The following CXorf58 variants were observed in gnomAD, a reference collection of about 807,000 sequenced individuals.
The protein encoded by CXorf58 is chromosome X open reading frame 58.
A neutral mutation model predicts 26.0 loss-of-function variants in CXorf58; 24 were observed. The ratio of observed to expected loss-of-function variants is 0.92; its 90% confidence interval spans 0.67 to 1.30. The LOEUF is 1.30. CXorf58 is among the 50% of genes most tolerant of loss of function. The pLI is 0.00. For synonymous variants in CXorf58, 87 were observed against 86.1 expected (o/e 1.01, Z -0.06); for missense variants, 236 against 263.9 (o/e 0.89, Z 0.73).
Position 23,935,275 on chromosome X carries a change from T to G in CXorf58, c.635T>G (p.Ile212Ser), listed in dbSNP as rs946448605. ...NSWRKLNLEN[I>S]PRTMLMYDIV... ...TGGCGCAAATTAAATCTTGAAAATA[T>G]TCCCAGGACAATGCTAATGTATGAC... is the stretch of plus-strand genomic sequence containing the variant. Residue 212 changes from isoleucine (I) to serine (S), a missense_variant, in exon 7 of 9, where the codon ATT (isoleucine) becomes AGT (serine). Ile to Ser is a moderately radical substitution (Grantham distance 142, BLOSUM62 -2). Coordinates refer to ENST00000379211, the MANE Select transcript of CXorf58 (RefSeq NM_152761.3). 2.5e-6 allele frequency: 3 copies of G among 1,210,210 alleles called. No individual in the cohort carries two copies. The highest frequency in any genetic ancestry group is 3.5e-5 in the African/African-American group (2 of 57,844).
rs1269993235 is a variant in CXorf58, at chrX:23,935,306, T to C, written c.666T>C (p.Val222=). The C allele has an allele frequency of 6.6e-6, 8 of 1,207,631 alleles. No individual in the cohort carries two copies. The highest frequency in any genetic ancestry group is 9.0e-6 in the Non-Finnish European group (8 of 891,709). ...IPRTMLMYDI[V]HYSESGVISN... is the part of the protein sequence containing the mutation. The stretch of plus-strand genomic sequence containing the variant: ...GGACAATGCTAATGTATGACATAGT[T>C]CATTATTCAGAGTCTGGAGTGATCT... The change falls in exon 7 of 9, where the codon GTT becomes GTC. Residue 222 remains valine (V), a synonymous_variant. Transcript: ENST00000379211.
Position 23,915,779 on chromosome X carries a change from G to A in CXorf58, c.296G>A (p.Cys99Tyr), listed in dbSNP as rs1259211374. The A allele has an allele frequency of 4.4e-6, 5 of 1,145,508 alleles. No homozygotes were observed. Among genetic ancestry groups the A allele is most frequent in the African/African-American group, 1.8e-5 (1 of 56,012 alleles). The allele number at this position is 1,145,508 out of a possible 1,213,427, so 94.4% of individuals were successfully genotyped here. A position where few individuals can be genotyped will look rare whatever the true frequency, so the allele number is the denominator to read the frequency against. The part of the protein sequence containing the change: ...AKLIKDPTMQ[C>Y]KIRFRFRGET... ...CTTATTAAGGATCCTACTATGCAGT[G>A]TAAAATTAGATTCAGGTAATGTATC... is the stretch of plus-strand genomic sequence containing the variant. The change falls in exon 4 of 9, where the codon TGT (cysteine) becomes TAT (tyrosine). Residue 99 changes from cysteine to tyrosine, a missense_variant. Physicochemically the swap from Cys to Tyr is radical, Grantham distance 194. Transcript: ENST00000379211.
intron 3 of CXorf58, 150 bp from the exon 4 acceptor site, chrX:23,915,550 A>G: frequency 7.2e-6 from 3 of 415,651 alleles, no homozygotes; most frequent in Non-Finnish European, 1.3e-5. Context: ...CTACACAGAT[A>G]GTAAGTGGAG....
chrX:23,934,495 G>A (rs911922704), intron 6 of CXorf58, among the ~76,000 whole-genome samples: 1 of 111,324 alleles, frequency 9.0e-6, no homozygotes, highest in Non-Finnish European at 1.9e-5. Flanking sequence ...CTGCCTCTTG[G>A]GCTCAGGTGA....
At position 23,915,742 on chromosome X, in the gene CXorf58, T is replaced by C. The variant is rs745615974; in HGVS notation, c.259T>C (p.Leu87=). The change falls in exon 4 of 9, where the codon TTA becomes CTA. Residue 87 remains leucine (L), a synonymous_variant. Coordinates refer to ENST00000379211, the MANE Select transcript of CXorf58 (RefSeq NM_152761.3). ...THEILKKVAP[L]EAKLIKDPTM... ...TGAAATACTGAAGAAAGTGGCCCCC[T>C]TAGAGGCTAAGCTTATTAAGGATCC... The C allele has an allele frequency of 1.3e-5, 15 of 1,194,092 alleles. No homozygotes were observed. The highest frequency in any genetic ancestry group is 4.7e-4 in the Middle Eastern group (2 of 4,301).
intron 2 of CXorf58, among the ~76,000 whole-genome samples, chrX:23,910,738 C>T (rs1046906366): frequency 9.5e-6 from 1 of 104,882 alleles, no homozygotes. Context: ...GGTTTGTTTC[C>T]ACACTTCAGG....
intron 6 of CXorf58, among the ~76,000 whole-genome samples, chrX:23,930,196 C>CAAAAAAAAAAAAAAAA (rs752970734): frequency 1.9e-4 from 7 of 36,727 alleles, no homozygotes; most frequent in East Asian, 9.2e-4. Flanking sequence ...GACTCTGTCT[C>CAAAAAAAAAAAAAAAA]AAAAAAAAAA....
chrX:23,920,657 C>T (rs911924601), intron 5 of CXorf58, among the ~76,000 whole-genome samples: 1 of 111,031 alleles, frequency 9.0e-6, no homozygotes, highest in Non-Finnish European at 1.9e-5. Flanking sequence ...TTTGGGAGGC[C>T]GAGGCGGGAG....
At chrX:23,935,845 T>C (rs1231887689) in intron 7 of CXorf58, among the ~76,000 whole-genome samples, 1 of 109,506 alleles carries the variant, frequency 9.1e-6, no homozygotes, top group Non-Finnish European at 1.9e-5. Context: ...CAATCTAGGC[T>C]CACTGCAACC....
chrX:23,921,678 TTTG>T (rs1400981021), intron 5 of CXorf58, among the ~76,000 whole-genome samples: 2 of 111,425 alleles, frequency 1.8e-5, no homozygotes, highest in East Asian at 5.6e-4. Context: ...TTTTTGTGTT[TTTG>T]TTTTTTGTTG....
In CXorf58 at chrX:23,910,922, C is replaced by T. The variant is rs755821243; in HGVS notation, c.116+504C>T. Among the ~76,000 whole-genome samples the T allele has an allele frequency of 8.3e-5, 9 of 109,034 alleles. No homozygotes were observed. The South Asian group carries it at 3.6e-3, about 44-fold the overall frequency. 94.7% of individuals were successfully genotyped at this position (109,034 alleles called of 115,157 possible). ...CTGGGATTACAGGCATGCACCACCA[C>T]GCCTGGCTAATTTTTATATTTTCAG... On this transcript the variant is annotated intron_variant, in intron 2 of 8. Coordinates refer to ENST00000379211, the MANE Select transcript of CXorf58 (RefSeq NM_152761.3).
intron 3 of CXorf58, among the ~76,000 whole-genome samples, chrX:23,912,645 G>T (rs1449483732): frequency 9.0e-6 from 1 of 111,463 alleles, no homozygotes; most frequent in Non-Finnish European, 1.9e-5. Flanking sequence ...TTGGGAGGCT[G>T]AGGCAGGAGA....
At chrX:23,909,455 AGCTC>A (rs1927511633) in intron 1 of CXorf58, among the ~76,000 whole-genome samples, 1 of 112,297 alleles carries the variant, frequency 8.9e-6, no homozygotes, top group Non-Finnish European at 1.9e-5. Context: ...TAGTTATTAG[AGCTC>A]ATTTAATGCA....
At chrX:23,913,340 C>G (rs1024760849) in intron 3 of CXorf58, among the ~76,000 whole-genome samples, 1 of 108,537 alleles carries the variant, frequency 9.2e-6, no homozygotes, top group Non-Finnish European at 1.9e-5. Flanking sequence ...GCCGCCATGC[C>G]CAGCTAATTT....
Position 23,912,714 on chromosome X carries a change from A to G in CXorf58, c.216+858A>G, listed in dbSNP as rs138016836. ...AGCGGAGATTGCGCCACTACATTCC[A>G]GCCTGGGCGACAGTGAGACTCTGTC... On this transcript the variant is annotated intron_variant, in intron 3 of 8. Coordinates refer to ENST00000379211, the MANE Select transcript of CXorf58 (RefSeq NM_152761.3). Among the ~76,000 whole-genome samples, 48 of 111,670 alleles carry G rather than the reference A, an allele frequency of 4.3e-4. 1 individual carries two copies. In the East Asian group the frequency reaches 0.013, roughly 29 times the overall value.
chrX:23,934,549 C>T (rs1366340861), intron 6 of CXorf58, among the ~76,000 whole-genome samples: 6 of 111,102 alleles, frequency 5.4e-5, no homozygotes, highest in East Asian at 5.7e-4. Context: ...TACAGGTGTG[C>T]GCCACCACGC....
chrX:23,922,079 T>C lies in CXorf58; in HGVS notation c.424-5160T>C, dbSNP rs1275808899. ...GTATTTTCTGTTATTATCCTCATTTTAAAAAAGACTGAGGGCCGGGTGCTG... is the reference window on the plus strand; with the variant it reads ...GTATTTTCTGTTATTATCCTCATTTCAAAAAAGACTGAGGGCCGGGTGCTG... On this transcript the variant is annotated intron_variant, in intron 5 of 8. Coordinates refer to ENST00000379211, the MANE Select transcript of CXorf58 (RefSeq NM_152761.3). 4.5e-5 allele frequency among the ~76,000 whole-genome samples: 5 copies of C among 110,827 alleles called. No homozygotes were observed. In the Admixed American group the frequency reaches 4.9e-4, roughly 11 times the overall value.
At chrX:23,919,163 C>G (rs989181705) in intron 5 of CXorf58, among the ~76,000 whole-genome samples, 1 of 111,892 alleles carries the variant, frequency 8.9e-6, no homozygotes, top group African/African-American at 3.2e-5. Context: ...ACTTTCTACC[C>G]TGATCTATCT....
At chrX:23,924,810 G>A (rs944566268) in intron 5 of CXorf58, among the ~76,000 whole-genome samples, 7 of 110,703 alleles carry the variant, frequency 6.3e-5, no homozygotes, top group African/African-American at 1.3e-4. Context: ...AACTTAAAGT[G>A]TAATAATAAA....
Sources: gnomAD v4.1 joint callset for allele counts (sites outside exome capture counted in the v4.1 genomes callset) on GRCh38, gnomAD v4.1.1 for gene constraint, MANE v1.5 for transcripts, NCBI Gene and HGNC (gene_info 2026-07-23, HGNC 2026-07-21) for gene names.